The following ST3GAL1 variants were observed in gnomAD, a reference collection of about 807,000 sequenced individuals.
ST3GAL1 encodes the protein ST3 beta-galactoside alpha-2,3-sialyltransferase 1.
A neutral mutation model predicts 34.1 loss-of-function variants in ST3GAL1; 16 were observed. The observed-to-expected ratio is 0.47, with a 90% CI of 0.32 to 0.71. The LOEUF (loss-of-function observed/expected upper bound fraction) is 0.71. Ranked by LOEUF, ST3GAL1 falls within the 30% of genes least tolerant of loss-of-function variation. The pLI is 0.04. For synonymous variants in ST3GAL1, 191 were observed against 184.7 expected, an observed-to-expected ratio of 1.03 and a Z score of -0.28; for missense variants, 353 against 447.4, an observed-to-expected ratio of 0.79 and a Z score of 1.90.
At chr8:133,527,525 G>C (rs1357672030) in intron 2 of ST3GAL1, among the ~76,000 whole-genome samples, 2 of 152,182 alleles carry the variant, frequency 1.3e-5, no homozygotes, top group African/African-American at 4.8e-5. Flanking sequence ...CTAAGCTACA[G>C]TGTGACGTCA....
chr8:133,465,190 C>T (rs763798403), intron 6 of ST3GAL1, among the ~76,000 whole-genome samples: 36 of 152,194 alleles, frequency 2.4e-4, no homozygotes, highest in Non-Finnish European at 3.8e-4. Context: ...CACCACTGCC[C>T]GCCTGTCACA....
intron 3 of ST3GAL1, among the ~76,000 whole-genome samples, chr8:133,487,819 T>A (rs1034007898): frequency 4.0e-5 from 6 of 151,614 alleles, no homozygotes; most frequent in Admixed American, 6.6e-5. Flanking sequence ...TACAAAAAAA[T>A]TAGCTGGGTG....
At chr8:133,536,388 T>G (rs537092539) in intron 2 of ST3GAL1, among the ~76,000 whole-genome samples, 14 of 152,212 alleles carry the variant, frequency 9.2e-5, no homozygotes, top group African/African-American at 3.4e-4. Flanking sequence ...TAGCTGGGCA[T>G]GACTAGAATA....
chr8:133,536,132 T>C (rs1015153234), intron 2 of ST3GAL1, among the ~76,000 whole-genome samples: 1 of 151,616 alleles, frequency 6.6e-6, no homozygotes, highest in Non-Finnish European at 1.5e-5. Context: ...TGAACCCGGG[T>C]CATCTGTATT....
chr8:133,541,829 T>A (rs1818542697), intron 2 of ST3GAL1, among the ~76,000 whole-genome samples: 1 of 152,184 alleles, frequency 6.6e-6, no homozygotes, highest in Non-Finnish European at 1.5e-5. Context: ...ATGTCAGAAG[T>A]AACAGCAAGG....
At chr8:133,509,461 G>A (rs1200049870) in intron 2 of ST3GAL1, among the ~76,000 whole-genome samples, 2 of 152,224 alleles carry the variant, frequency 1.3e-5, no homozygotes, top group African/African-American at 4.8e-5. Context: ...AATGAGAATA[G>A]GACTTCACAA....
chr8:133,528,422 A>C (rs1161263933), intron 2 of ST3GAL1, among the ~76,000 whole-genome samples: 1 of 152,230 alleles, frequency 6.6e-6, no homozygotes, highest in African/African-American at 2.4e-5. Context: ...TTGAGGGCAC[A>C]ATCCTGACTG....
intron 1 of ST3GAL1, among the ~76,000 whole-genome samples, chr8:133,550,781 C>A (rs1818815861): frequency 6.6e-6 from 1 of 152,172 alleles, no homozygotes; most frequent in South Asian, 2.1e-4. Context: ...ACCCATAAAT[C>A]ATTATTTCTT....
intron 3 of ST3GAL1, among the ~76,000 whole-genome samples, chr8:133,496,893 A>G (rs1376387684): frequency 1.3e-5 from 2 of 152,222 alleles, no homozygotes; most frequent in African/African-American, 2.4e-5. Context: ...TTCTTTTTTA[A>G]CAACTCACAA....
At chr8:133,541,120 T>TATATATATATAGAGAG (rs71299078) in intron 2 of ST3GAL1, among the ~76,000 whole-genome samples, 8 of 48,630 alleles carry the variant, frequency 1.6e-4, no homozygotes, top group African/African-American at 7.9e-4. Flanking sequence ...TATATATATA[T>TATATATATATAGAGAG]AGAGAGAGAG....
In ST3GAL1 at chr8:133,482,058, G is replaced by A. The variant is rs192143267; in HGVS notation, c.-373-5458C>T. On this transcript the variant is annotated intron_variant, in intron 3 of 9. Transcript: ENST00000522652. Reference sequence around the variant, plus strand: ...GCGAGACTGCCAAACACTCTGAACTGCTGCTCTCTGCTCGTCCTCTGAACC... The same window carrying A: ...GCGAGACTGCCAAACACTCTGAACTACTGCTCTCTGCTCGTCCTCTGAACC... 8.2e-4 allele frequency among the ~76,000 whole-genome samples: 124 copies of A among 152,108 alleles called. 1 individual carries two copies. Among genetic ancestry groups the A allele is most frequent in the Non-Finnish European group, 1.6e-3 (112 of 67,984 alleles).
intron 2 of ST3GAL1, among the ~76,000 whole-genome samples, chr8:133,510,172 CT>C (rs568460746): frequency 9.5e-4 from 144 of 152,158 alleles, no homozygotes; most frequent in African/African-American, 3.1e-3. Flanking sequence ...TTTCAGGGGA[CT>C]TCCCAGGTTA....
chr8:133,534,376 T>C (rs1818246125), intron 2 of ST3GAL1, among the ~76,000 whole-genome samples: 1 of 151,486 alleles, frequency 6.6e-6, no homozygotes. Flanking sequence ...TATGGACATA[T>C]ATATATTATA....
At chr8:133,478,409 T>C (rs1816259149) in intron 3 of ST3GAL1, among the ~76,000 whole-genome samples, 1 of 152,204 alleles carries the variant, frequency 6.6e-6, no homozygotes, top group South Asian at 2.1e-4. Context: ...GCTATTTTGC[T>C]AGCGTGTGTA....
rs781362181 is a variant in ST3GAL1 at position 133,469,472 on chromosome 8, G to A, written c.307-3382C>T. On this transcript the variant is annotated intron_variant, in intron 5 of 9. Transcript: ENST00000522652. The surrounding 1 kb of genome is among the most constrained non-coding windows in gnomAD (Gnocchi z 4.3). ...GACCTCAGGTGATGAACCCGCCTCA[G>A]CCTCCCAAAGTGTTGGGATTATAGG... 6.6e-6 allele frequency among the ~76,000 whole-genome samples: 1 copy of A among 152,112 alleles called. No homozygotes were observed. The highest frequency in any genetic ancestry group is 2.4e-5 in the African/African-American group (1 of 41,422).
At chr8:133,473,472 C>T (rs1023636711) in intron 5 of ST3GAL1, among the ~76,000 whole-genome samples, 11 of 152,100 alleles carry the variant, frequency 7.2e-5, no homozygotes, top group African/African-American at 2.7e-4. Flanking sequence ...CCCAAAAGGC[C>T]TTTGTAAACA....
chr8:133,482,843 C>T (rs559811110), intron 3 of ST3GAL1, among the ~76,000 whole-genome samples: 86 of 152,350 alleles, frequency 5.6e-4, no homozygotes, highest in Admixed American at 2.1e-3. Flanking sequence ...TCACTGGACG[C>T]TTGGAACCCA....
In ST3GAL1 at chr8:133,489,303, G is replaced by A. The variant is rs145991856; in HGVS notation, c.-374+9832C>T. 2.1e-3 allele frequency among the ~76,000 whole-genome samples: 319 copies of A among 152,204 alleles called. 1 individual carries two copies. Among genetic ancestry groups the A allele is most frequent in the Non-Finnish European group, 2.9e-3 (195 of 67,996 alleles). On this transcript the variant is annotated intron_variant, in intron 3 of 9. Coordinates refer to ENST00000522652, the MANE Select transcript of ST3GAL1 (RefSeq NM_173344.3). ...TGACCCCGCAGACCTAACTCCAAGG[G>A]GCACAGCTGACAATGTGGTCTAAGC...
chr8:133,491,305 C>T (rs969326411), intron 3 of ST3GAL1, among the ~76,000 whole-genome samples: 2 of 151,966 alleles, frequency 1.3e-5, no homozygotes, highest in African/African-American at 2.4e-5. Flanking sequence ...AAGCGTGTAA[C>T]GTGGCTGGGA....
Sources: gnomAD v4.1 joint callset for allele counts (sites outside exome capture counted in the v4.1 genomes callset) on GRCh38, gnomAD v4.1.1 for gene constraint, Gnocchi (gnomAD v3.1) non-coding constraint, MANE v1.5 for transcripts, NCBI Gene and HGNC (gene_info 2026-07-23, HGNC 2026-07-21) for gene names.